TEX14: variants seen among roughly 807,000 people sequenced by gnomAD.
TEX14 encodes inactive serine/threonine-protein kinase TEX14.
In TEX14, 168 loss-of-function variants were observed where a neutral mutation model predicts 178.6. The observed-to-expected ratio is 0.94, with a 90% CI of 0.83 to 1.07. The LOEUF is 1.07. TEX14 is among the 50% of genes least tolerant of loss of function. The pLI is 0.00. For missense variants in TEX14, 1,730 were observed against 1,753.6 expected (o/e 0.99, Z 0.24); for synonymous variants, 626 against 634.1 (o/e 0.99, Z 0.19).
chr17:58,560,740 A>G (rs1425846830), intron 29 of TEX14, among the ~76,000 whole-genome samples: 1 of 151,970 alleles, frequency 6.6e-6, no homozygotes, highest in East Asian at 1.9e-4. Context: ...CTGTAGCCAC[A>G]CTCTTGTGTT....
chr17:58,624,115 C>G (rs1190320039), intron 3 of TEX14, among the ~76,000 whole-genome samples: 1 of 152,012 alleles, frequency 6.6e-6, no homozygotes, highest in Non-Finnish European at 1.5e-5. Context: ...AACCCTGTGT[C>G]TACTAAAAAT....
intron 1 of TEX14, among the ~76,000 whole-genome samples, chr17:58,662,258 G>A (rs756057384): frequency 3.3e-5 from 5 of 151,834 alleles, no homozygotes; most frequent in African/African-American, 4.8e-5. Context: ...AGACCATCCT[G>A]GCTAACACGG....
At chr17:58,599,782 T>G in intron 13 of TEX14, 116 bp from the exon 14 acceptor site, 1 of 794,010 alleles carries the variant, frequency 1.3e-6, no homozygotes, top group Non-Finnish European at 1.9e-6. Context: ...GTTTTTTATT[T>G]TCCCACCCCC....
At chr17:58,631,413 A>G (rs1243203461) in intron 2 of TEX14, among the ~76,000 whole-genome samples, 1 of 152,170 alleles carries the variant, frequency 6.6e-6, no homozygotes, top group African/African-American at 2.4e-5. Context: ...AAATTGTGCC[A>G]TTGCACTCCA....
At chr17:58,678,476 C>T (rs999481048) in intron 1 of TEX14, among the ~76,000 whole-genome samples, 1 of 152,026 alleles carries the variant, frequency 6.6e-6, no homozygotes, top group African/African-American at 2.4e-5. Context: ...ACATATACAC[C>T]ACGGAACACT....
intron 8 of TEX14, 133 bp from the exon 9 acceptor site, chr17:58,613,677 T>C (rs1162600970): frequency 9.7e-7 from 1 of 1,029,838 alleles, no homozygotes; most frequent in Non-Finnish European, 1.4e-6. Context: ...TCTTTTTTTT[T>C]TGACACAGAG....
In TEX14 at chr17:58,611,326, G is replaced by C. The variant is rs1188751460; in HGVS notation, c.1019C>G (p.Pro340Arg). The C allele has an allele frequency of 1.2e-6, 2 of 1,612,634 alleles. No homozygotes were observed. Among genetic ancestry groups the C allele is most frequent in the African/African-American group, 2.7e-5 (2 of 74,862 alleles). The change falls in exon 10 of 32, where the codon CCA (proline) becomes CGA (arginine). Residue 340 changes from proline (P) to arginine (R), a missense_variant. This residue lies in a region of TEX14 where 789 missense variants were observed against 681.2 expected (regional missense o/e 1.16). Transcript: ENST00000349033. ...CACAATCACCTCCATGTGCAGCACT[G>C]GGAACTGGGACCGCTGCAAGCAAGA... ...SVLHERRSQF[P>R]VLHMEVIVHL... is the part of the protein sequence containing the mutation.
intron 1 of TEX14, among the ~76,000 whole-genome samples, chr17:58,691,200 GCTTCCATGTCCTTAT>G (rs1302014363): frequency 6.6e-6 from 1 of 152,120 alleles, no homozygotes; most frequent in African/African-American, 2.4e-5. Flanking sequence ...TATATGCTGA[GCTTCCATGTCCTTAT>G]CTTCCTTTTG....
chr17:58,590,353 A>G (rs1354120749), intron 15 of TEX14, among the ~76,000 whole-genome samples: 2 of 151,912 alleles, frequency 1.3e-5, no homozygotes, highest in African/African-American at 2.4e-5. Flanking sequence ...AAAGGAGGGG[A>G]AAAGAATCCT....
intron 10 of TEX14, among the ~76,000 whole-genome samples, chr17:58,605,923 C>A (rs1043950134): frequency 6.6e-6 from 1 of 152,146 alleles, no homozygotes; most frequent in Non-Finnish European, 1.5e-5. Flanking sequence ...TTTTATATCA[C>A]TGTACTTCTG....
At chr17:58,619,662 G>A (rs1272121631) in intron 5 of TEX14, among the ~76,000 whole-genome samples, 1 of 151,962 alleles carries the variant, frequency 6.6e-6, no homozygotes, top group African/African-American at 2.4e-5. Flanking sequence ...AAATTAGCCA[G>A]GTGTGCTAAT....
At chr17:58,604,848 A>T in intron 11 of TEX14, 130 bp downstream of exon 11, 3 of 1,078,574 alleles carry the variant, frequency 2.8e-6, no homozygotes, top group Non-Finnish European at 4.0e-6. Flanking sequence ...GGCGTGAGCC[A>T]CTGCTCCCAG....
intron 1 of TEX14, chr17:58,661,210 T>G: frequency 1.3e-6 from 1 of 797,642 alleles, no homozygotes; most frequent in African/African-American, 1.7e-5. Context: ...TGGTCTTGGT[T>G]TGGGGCAGCT....
intron 1 of TEX14, among the ~76,000 whole-genome samples, chr17:58,671,027 A>C (rs2143475111): frequency 6.6e-6 from 1 of 151,980 alleles, no homozygotes; most frequent in East Asian, 1.9e-4. Context: ...ACCTTCTGGA[A>C]CTCTCATTGC....
intron 2 of TEX14, among the ~76,000 whole-genome samples, chr17:58,638,238 G>GT (rs143389926): frequency 6.6e-6 from 1 of 151,664 alleles, no homozygotes; most frequent in East Asian, 1.9e-4. Context: ...GCTGGACGTG[G>GT]TATCTCATAC....
intron 1 of TEX14, among the ~76,000 whole-genome samples, chr17:58,690,831 G>A (rs1229144413): frequency 6.6e-6 from 1 of 152,132 alleles, no homozygotes; most frequent in African/African-American, 2.4e-5. Flanking sequence ...TAAAAAGGAT[G>A]CTAGGTTTGA....
intron 2 of TEX14, chr17:58,631,809 T>G (rs971072229): frequency 6.6e-6 from 1 of 151,894 alleles, no homozygotes; most frequent in Non-Finnish European, 1.5e-5. Flanking sequence ...AAACACACTA[T>G]AGAAATTATC....
intron 1 of TEX14, among the ~76,000 whole-genome samples, chr17:58,691,029 A>T (rs1488208173): frequency 6.6e-6 from 1 of 151,772 alleles, no homozygotes; most frequent in East Asian, 2.0e-4. Context: ...AATTTTTTGT[A>T]CTTTTGGTAC....
At chr17:58,681,693 T>A (rs2143560599) in intron 1 of TEX14, among the ~76,000 whole-genome samples, 1 of 151,834 alleles carries the variant, frequency 6.6e-6, no homozygotes, top group South Asian at 2.1e-4. Flanking sequence ...CTACTAAAAA[T>A]ACAAAAATAT....
Sources: allele counts gnomAD v4.1 joint callset (sites outside exome capture counted in the v4.1 genomes callset), GRCh38; gene constraint gnomAD v4.1.1; regional missense constraint gnomAD v4.1.1; transcripts MANE v1.5; gene names NCBI Gene and HGNC (gene_info 2026-07-23, HGNC 2026-07-21).